ARHGAP26: variants seen among roughly 807,000 people sequenced by gnomAD.
The protein encoded by ARHGAP26 is rho GTPase-activating protein 26.
In ARHGAP26, 38 loss-of-function variants were observed where a neutral mutation model predicts 104.8. That is an observed-to-expected ratio of 0.36 (90% CI 0.28 to 0.48). The LOEUF is 0.48. Among genes scored for constraint, ARHGAP26 ranks in the 20% least tolerant of loss-of-function variants. The pLI, the probability that ARHGAP26 is intolerant of heterozygous loss-of-function variation, is 0.99. For synonymous variants in ARHGAP26, 341 were observed against 340.0 expected, an observed-to-expected ratio of 1.00 and a Z score of -0.03; for missense variants, 704 against 947.9, an observed-to-expected ratio of 0.74 and a Z score of 3.38.
intron 20 of ARHGAP26, among the ~76,000 whole-genome samples, chr5:143,192,178 G>A (rs13186660): frequency 0.046 from 6,964 of 152,286 alleles, 540 homozygotes; most frequent in African/African-American, 0.16. Context: ...CACAGCCCTT[G>A]AAGATTCCAA....
At chr5:142,774,841 C>G (rs1290652944) in intron 1 of ARHGAP26, among the ~76,000 whole-genome samples, 1 of 152,062 alleles carries the variant, frequency 6.6e-6, no homozygotes, top group East Asian at 1.9e-4. Flanking sequence ...CAGTATGTGG[C>G]CTTTGCAGAT....
chr5:143,101,225 G>A (rs1467653216), intron 17 of ARHGAP26, among the ~76,000 whole-genome samples: 1 of 152,222 alleles, frequency 6.6e-6, no homozygotes, highest in Non-Finnish European at 1.5e-5. Flanking sequence ...GAAGGAATGA[G>A]AATGAGTCTG....
At chr5:142,919,197 G>A (rs1047805764) in intron 10 of ARHGAP26, 2 of 398,420 alleles carry the variant, frequency 5.0e-6, no homozygotes, top group Non-Finnish European at 8.8e-6. Flanking sequence ...TATTACCATT[G>A]TCCTTGTAAA....
intron 1 of ARHGAP26, among the ~76,000 whole-genome samples, chr5:142,795,502 T>C (rs183052692): frequency 6.6e-6 from 1 of 152,320 alleles, no homozygotes; most frequent in East Asian, 1.9e-4. Context: ...AATCTCAGTT[T>C]CATTTCTGGT....
At chr5:142,816,968 G>C (rs1422454822) in intron 1 of ARHGAP26, among the ~76,000 whole-genome samples, 1 of 152,126 alleles carries the variant, frequency 6.6e-6, no homozygotes, top group Admixed American at 6.6e-5. Context: ...CAAGTGGGCT[G>C]TGTAGTGAGG....
intron 1 of ARHGAP26, among the ~76,000 whole-genome samples, chr5:142,782,869 C>T (rs1757800915): frequency 6.6e-6 from 1 of 152,138 alleles, no homozygotes; most frequent in Non-Finnish European, 1.5e-5. Flanking sequence ...TTTAGAGTGT[C>T]CTTGTAAGAT....
intron 4 of ARHGAP26, among the ~76,000 whole-genome samples, chr5:142,880,160 G>C (rs996556346): frequency 1.3e-5 from 2 of 152,160 alleles, no homozygotes; most frequent in Admixed American, 1.3e-4. Context: ...GTTCTTGAGA[G>C]ACTGCAAAGG....
intron 13 of ARHGAP26, chr5:143,041,490 G>T (rs1783457925): frequency 5.0e-6 from 1 of 199,180 alleles, no homozygotes; most frequent in Non-Finnish European, 1.1e-5. Flanking sequence ...GGTTAAATAT[G>T]ACATATTTAA....
intron 1 of ARHGAP26, among the ~76,000 whole-genome samples, chr5:142,816,613 G>A (rs1226445305): frequency 6.6e-6 from 1 of 152,246 alleles, no homozygotes; most frequent in African/African-American, 2.4e-5. Context: ...AGAACTGTGT[G>A]AGCAAAGGCT....
chr5:142,919,968 C>T (rs931844436), intron 10 of ARHGAP26, among the ~76,000 whole-genome samples: 3 of 152,146 alleles, frequency 2.0e-5, no homozygotes, highest in African/African-American at 7.2e-5. Context: ...CGCCACCACA[C>T]TCCAGCCTGG....
intron 12 of ARHGAP26, among the ~76,000 whole-genome samples, chr5:143,033,416 T>C (rs561898434): frequency 1.1e-4 from 17 of 152,298 alleles, no homozygotes; most frequent in Middle Eastern, 3.4e-3. Flanking sequence ...GAAGCGTCCA[T>C]TTTATTCTTT....
At chr5:142,949,955 A>G (rs1009529661) in intron 11 of ARHGAP26, among the ~76,000 whole-genome samples, 6 of 152,204 alleles carry the variant, frequency 3.9e-5, no homozygotes, top group Non-Finnish European at 7.3e-5. Context: ...GAGAATAAGT[A>G]TTTGGAGGAG....
At chr5:143,084,866 G>A (rs1456144704) in intron 17 of ARHGAP26, among the ~76,000 whole-genome samples, 1 of 152,018 alleles carries the variant, frequency 6.6e-6, no homozygotes, top group Non-Finnish European at 1.5e-5. Flanking sequence ...CCAACGTGGT[G>A]AAACTCCGTC....
chr5:142,907,457 A>G, intron 8 of ARHGAP26: 1 of 246,010 alleles, frequency 4.1e-6, no homozygotes, highest in Non-Finnish European at 8.0e-6. Context: ...GACCCACTGG[A>G]TGTAGCATCA....
chr5:142,862,920 AAC>A (rs1753622611), intron 1 of ARHGAP26, among the ~76,000 whole-genome samples: 1 of 152,182 alleles, frequency 6.6e-6, no homozygotes, highest in African/African-American at 2.4e-5. Flanking sequence ...TGCTGAGACT[AAC>A]AGAGTCTGTG....
At chr5:143,020,816 GT>G (rs1160748552) in intron 12 of ARHGAP26, among the ~76,000 whole-genome samples, 1 of 151,714 alleles carries the variant, frequency 6.6e-6, no homozygotes, top group African/African-American at 2.4e-5. Context: ...TTTTTTTGTA[GT>G]TTTTAGTAGA....
At chr5:142,804,213 T>C (rs1258893394) in intron 1 of ARHGAP26, among the ~76,000 whole-genome samples, 1 of 152,234 alleles carries the variant, frequency 6.6e-6, no homozygotes, top group East Asian at 1.9e-4. Context: ...CAGTTTTATA[T>C]GGTTCAACTT....
intron 12 of ARHGAP26, among the ~76,000 whole-genome samples, chr5:143,028,093 T>C (rs775272896): frequency 6.6e-6 from 1 of 152,222 alleles, no homozygotes; most frequent in Non-Finnish European, 1.5e-5. Context: ...TTGGTTCCAC[T>C]ACTCACTGAT....
At chr5:142,884,443 T>C (rs1757432422) in intron 4 of ARHGAP26, among the ~76,000 whole-genome samples, 1 of 152,222 alleles carries the variant, frequency 6.6e-6, no homozygotes, top group African/African-American at 2.4e-5. Context: ...ATACGGCTAA[T>C]AATTTCTTAA....
Sources: allele counts gnomAD v4.1 joint callset (sites outside exome capture counted in the v4.1 genomes callset), GRCh38; gene constraint gnomAD v4.1.1; transcripts MANE v1.5; gene names NCBI Gene and HGNC (gene_info 2026-07-23, HGNC 2026-07-21).